MED13L: variants seen among roughly 807,000 people sequenced by gnomAD.
MED13L encodes mediator complex subunit 13L.
In MED13L, 7 loss-of-function variants were observed where a neutral mutation model predicts 220.9. The ratio of observed to expected loss-of-function variants is 0.03; its 90% CI spans 0.02 to 0.06. The LOEUF (loss-of-function observed/expected upper bound fraction) is 0.06. Among genes scored for constraint, MED13L ranks in the 10% least tolerant of loss-of-function variants. MED13L has a pLI of 1.00. For synonymous variants in MED13L, 1,011 were observed against 1,015.2 expected (o/e 1.00, Z 0.08); for missense variants, 1,965 against 2,760.5 (o/e 0.71, Z 6.46).
chr12:116,159,192 G>C (rs1336313186), intron 2 of MED13L, among the ~76,000 whole-genome samples: 1 of 152,146 alleles, frequency 6.6e-6, no homozygotes, highest in African/African-American at 2.4e-5. Flanking sequence ...ATAAATAAAT[G>C]AATTCTCTAT....
intron 17 of MED13L, among the ~76,000 whole-genome samples, chr12:115,988,124 C>G (rs1464602332): frequency 1.3e-5 from 2 of 152,138 alleles, no homozygotes; most frequent in Non-Finnish European, 2.9e-5. Flanking sequence ...TCCCTCTTAC[C>G]CTTCTAGCTG....
intron 4 of MED13L, among the ~76,000 whole-genome samples, chr12:116,035,077 C>T (rs1881099493): frequency 6.6e-6 from 1 of 152,178 alleles, no homozygotes; most frequent in Non-Finnish European, 1.5e-5. Context: ...GCGCACCTAT[C>T]TTTGTGCCAG....
chr12:116,217,028 T>G (rs927667980), intron 2 of MED13L, among the ~76,000 whole-genome samples: 1 of 152,242 alleles, frequency 6.6e-6, no homozygotes, highest in Non-Finnish European at 1.5e-5. Context: ...CTGAATACTT[T>G]GACTTTTTTA....
intron 4 of MED13L, among the ~76,000 whole-genome samples, chr12:116,087,224 CTTTA>C (rs1382864651): frequency 1.3e-5 from 2 of 152,136 alleles, no homozygotes; most frequent in Non-Finnish European, 2.9e-5. Flanking sequence ...GTATTAGCTA[CTTTA>C]TTTATGCTAT....
At chr12:116,232,143 C>A in intron 2 of MED13L, 1 of 985,338 alleles carries the variant, frequency 1.0e-6, no homozygotes, top group Non-Finnish European at 1.2e-6. Context: ...CCTCCTGGCA[C>A]AGGTGGCAGC....
chr12:116,024,679 T>C (rs532893301), intron 4 of MED13L, among the ~76,000 whole-genome samples: 6 of 151,212 alleles, frequency 4.0e-5, no homozygotes, highest in African/African-American at 1.5e-4. Context: ...ACCTTTGAAG[T>C]TTTATTTTTA....
chr12:116,172,560 C>T (rs1181149297), intron 2 of MED13L, among the ~76,000 whole-genome samples: 3 of 152,118 alleles, frequency 2.0e-5, no homozygotes, highest in Non-Finnish European at 2.9e-5. Flanking sequence ...ACATTAGTTA[C>T]TTCATCGGGA....
At chr12:116,207,719 G>T (rs1204542465) in intron 2 of MED13L, among the ~76,000 whole-genome samples, 1 of 151,742 alleles carries the variant, frequency 6.6e-6, no homozygotes, top group Non-Finnish European at 1.5e-5. Context: ...TAAAAACCTT[G>T]TAGTCCTGAA....
chr12:116,158,902 C>A (rs1347798305), intron 2 of MED13L, among the ~76,000 whole-genome samples: 2 of 152,088 alleles, frequency 1.3e-5, no homozygotes, highest in Non-Finnish European at 2.9e-5. Flanking sequence ...GTGAGCAGTT[C>A]AACTGTATTT....
At chr12:116,257,976 C>T (rs749738724) in intron 1 of MED13L, among the ~76,000 whole-genome samples, 14 of 152,048 alleles carry the variant, frequency 9.2e-5, no homozygotes, top group Non-Finnish European at 1.9e-4. Context: ...TTTAAAAAAA[C>T]GTAAACTGTA....
At chr12:116,000,948 CAA>C (rs201283625) in intron 14 of MED13L, among the ~76,000 whole-genome samples, 1 of 138,368 alleles carries the variant, frequency 7.2e-6, no homozygotes. Context: ...AACTTCATAC[CAA>C]AAAAAAAAGT....
Position 115,996,935 on chromosome 12 carries a change from C to A in MED13L, c.2790+75G>T, listed in dbSNP as rs149688104. 5.5e-6 allele frequency: 8 copies of A among 1,446,866 alleles called. No individual in the cohort carries two copies. The East Asian group carries it at 1.8e-4, about 33-fold the overall frequency. The allele number at this position is 1,446,866 out of a possible 1,614,324, so 89.6% of individuals were successfully genotyped here. ...ATGTATATATGGCACACAGACAATA[C>A]CATTTTAAAGCAGATGTATGTGAAT... On this transcript the variant is annotated intron_variant, in intron 15 of 30. Coordinates refer to ENST00000281928, the MANE Select transcript of MED13L (RefSeq NM_015335.5).
At chr12:116,131,475 G>A (rs1275896728) in intron 2 of MED13L, among the ~76,000 whole-genome samples, 4 of 152,140 alleles carry the variant, frequency 2.6e-5, no homozygotes, top group Non-Finnish European at 1.5e-5. Flanking sequence ...ACAACACTGT[G>A]TACAAATGAT....
intron 2 of MED13L, among the ~76,000 whole-genome samples, chr12:116,114,803 T>C (rs536945207): frequency 6.6e-6 from 1 of 152,318 alleles, no homozygotes; most frequent in Admixed American, 6.5e-5. Context: ...CACATTTCTA[T>C]ATTTAGGAAT....
At chr12:116,189,755 G>C (rs1881144974) in intron 2 of MED13L, among the ~76,000 whole-genome samples, 1 of 152,132 alleles carries the variant, frequency 6.6e-6, no homozygotes, top group Non-Finnish European at 1.5e-5. Flanking sequence ...AGAGTTATAA[G>C]ACCTTTGTCA....
chr12:116,202,433 T>C (rs770217374), intron 2 of MED13L, among the ~76,000 whole-genome samples: 89 of 152,330 alleles, frequency 5.8e-4, no homozygotes, highest in South Asian at 1.2e-3. Context: ...TTATAGGACC[T>C]AAGTCTTGAA....
At chr12:116,209,245 G>A (rs1000417180) in intron 2 of MED13L, among the ~76,000 whole-genome samples, 4 of 152,220 alleles carry the variant, frequency 2.6e-5, no homozygotes, top group South Asian at 2.1e-4. Flanking sequence ...AATGTTGCAC[G>A]TACATTATAG....
chr12:116,003,497 C>G (rs1473412637), intron 13 of MED13L, among the ~76,000 whole-genome samples: 1 of 141,366 alleles, frequency 7.1e-6, no homozygotes, highest in Non-Finnish European at 1.6e-5. Flanking sequence ...CCCTCCAATT[C>G]TTTTTTTTTT....
chr12:116,145,564 T>C (rs530662254), intron 2 of MED13L, among the ~76,000 whole-genome samples: 1 of 152,188 alleles, frequency 6.6e-6, no homozygotes, highest in Non-Finnish European at 1.5e-5. Context: ...GGTGCGATCA[T>C]AGCTCACTAC....
Sources: gnomAD v4.1 joint callset for allele counts (sites outside exome capture counted in the v4.1 genomes callset) on GRCh38, gnomAD v4.1.1 for gene constraint, MANE v1.5 for transcripts, NCBI Gene and HGNC (gene_info 2026-07-23, HGNC 2026-07-21) for gene names.